RELN: variants seen among roughly 807,000 people sequenced by gnomAD.
RELN encodes reelin.
In RELN, 108 loss-of-function variants were observed where a neutral mutation model predicts 427.6. That is an observed-to-expected ratio of 0.25 (90% confidence interval 0.22 to 0.30). The LOEUF is 0.30. Among genes scored for constraint, RELN ranks in the 10% least tolerant of loss-of-function variants. RELN has a pLI of 1.00. For missense variants in RELN, 3,715 were observed against 4,302.8 expected, an observed-to-expected ratio of 0.86 and a Z score of 3.82; for synonymous variants, 1,524 against 1,513.4, an observed-to-expected ratio of 1.01 and a Z score of -0.16.
intron 4 of RELN, among the ~76,000 whole-genome samples, chr7:103,764,918 G>A (rs1027409808): frequency 4.6e-5 from 7 of 151,838 alleles, no homozygotes; most frequent in East Asian, 1.9e-4. Flanking sequence ...TAGGGAAACC[G>A]AGAAAGAAAA....
chr7:103,567,622 AG>A (rs534550697), intron 31 of RELN, among the ~76,000 whole-genome samples: 3 of 151,950 alleles, frequency 2.0e-5, no homozygotes, highest in African/African-American at 7.3e-5. Flanking sequence ...CTTCTTTGGT[AG>A]GGGGGGTAGA....
intron 57 of RELN, among the ~76,000 whole-genome samples, chr7:103,493,522 G>A (rs150072200): frequency 2.6e-3 from 396 of 152,264 alleles, no homozygotes; most frequent in Non-Finnish European, 4.4e-3. Flanking sequence ...AGTCAAGGTT[G>A]GATGTGCAGA....
At chr7:103,883,973 C>G (rs78592286) in intron 2 of RELN, among the ~76,000 whole-genome samples, 1 of 152,028 alleles carries the variant, frequency 6.6e-6, no homozygotes, top group African/African-American at 2.4e-5. Flanking sequence ...CATATAGCCA[C>G]GACAATCCTA....
At chr7:103,800,467 C>A (rs1489906186) in intron 3 of RELN, among the ~76,000 whole-genome samples, 1 of 152,156 alleles carries the variant, frequency 6.6e-6, no homozygotes, top group Non-Finnish European at 1.5e-5. Flanking sequence ...CTGACAAAAA[C>A]AAGATATGGG....
chr7:103,534,494 A>ATT (rs11309253), intron 46 of RELN, among the ~76,000 whole-genome samples: 10 of 150,248 alleles, frequency 6.7e-5, no homozygotes, highest in African/African-American at 2.0e-4. Context: ...TTAATTTTTA[A>ATT]TTTTTTTTTT....
chr7:103,775,344 C>T (rs938635107), intron 4 of RELN, among the ~76,000 whole-genome samples: 10 of 152,094 alleles, frequency 6.6e-5, no homozygotes, highest in Admixed American at 1.3e-4. Flanking sequence ...GAAACTATAA[C>T]TAGAATGAAG....
intron 10 of RELN, among the ~76,000 whole-genome samples, chr7:103,694,214 A>T (rs1005978819): frequency 1.3e-5 from 2 of 152,152 alleles, no homozygotes; most frequent in African/African-American, 2.4e-5. Context: ...ATAATTTAAC[A>T]GGTGGATGTT....
At chr7:103,984,681 C>T (rs1169162169) in intron 1 of RELN, among the ~76,000 whole-genome samples, 1 of 152,006 alleles carries the variant, frequency 6.6e-6, no homozygotes, top group African/African-American at 2.4e-5. Flanking sequence ...CTCTAAAATG[C>T]CCAATTTTCA....
chr7:103,671,398 A>G (rs1833389690), intron 11 of RELN, among the ~76,000 whole-genome samples: 1 of 152,118 alleles, frequency 6.6e-6, no homozygotes, highest in African/African-American at 2.4e-5. Context: ...AACAACACTA[A>G]TAAAGAATAT....
At chr7:103,538,180 G>A (rs362716) in intron 45 of RELN, among the ~76,000 whole-genome samples, 37,961 of 152,016 alleles carry the variant, frequency 0.25, 6,236 homozygotes, top group African/African-American at 0.46. Flanking sequence ...TGTCTATTAC[G>A]TTCAGACTAA....
At chr7:103,495,603 G>A in intron 57 of RELN, 120 bp downstream of exon 57, 2 of 966,322 alleles carry the variant, frequency 2.1e-6, no homozygotes, top group Non-Finnish European at 3.3e-6. Context: ...TTATTCATAA[G>A]ATAAAGTCTT....
intron 3 of RELN, among the ~76,000 whole-genome samples, chr7:103,830,289 A>G (rs927234677): frequency 2.6e-5 from 4 of 151,968 alleles, no homozygotes; most frequent in Non-Finnish European, 4.4e-5. Flanking sequence ...ACTGTCCCTG[A>G]CCTTAAAATC....
intron 50 of RELN, 152 bp downstream of exon 50, chr7:103,515,033 G>T: frequency 1.1e-6 from 1 of 934,660 alleles, no homozygotes. Flanking sequence ...CAACTAGGAA[G>T]GCTGAGAGGA....
At chr7:103,535,607 C>T (rs1307633192) in intron 45 of RELN, 123 bp from the exon 46 acceptor site, 7 of 820,600 alleles carry the variant, frequency 8.5e-6, no homozygotes, top group African/African-American at 1.7e-5. Context: ...TTTCCCTACA[C>T]TTATATTTCC....
intron 8 of RELN, among the ~76,000 whole-genome samples, chr7:103,712,479 T>C (rs910324046): frequency 3.9e-5 from 6 of 152,234 alleles, no homozygotes; most frequent in African/African-American, 1.4e-4. Flanking sequence ...TGAGGTTAGA[T>C]GAATTCTATA....
intron 1 of RELN, among the ~76,000 whole-genome samples, chr7:103,940,345 G>A (rs1796085358): frequency 6.6e-6 from 1 of 152,182 alleles, no homozygotes; most frequent in South Asian, 2.1e-4. Flanking sequence ...CTAGAAGGCT[G>A]TATGGTCCGT....
intron 3 of RELN, among the ~76,000 whole-genome samples, chr7:103,812,713 A>C (rs888468792): frequency 2.0e-5 from 3 of 152,212 alleles, no homozygotes; most frequent in African/African-American, 7.2e-5. Flanking sequence ...AAGTAACTCC[A>C]AATGAGCTCT....
At chr7:103,853,151 G>C (rs1275582635) in intron 2 of RELN, among the ~76,000 whole-genome samples, 4 of 151,984 alleles carry the variant, frequency 2.6e-5, no homozygotes, top group African/African-American at 7.2e-5. Context: ...GGGGAAAATA[G>C]ACAAACTCAG....
intron 12 of RELN, among the ~76,000 whole-genome samples, chr7:103,658,028 T>C (rs1304559815): frequency 6.6e-6 from 1 of 152,130 alleles, no homozygotes; most frequent in Non-Finnish European, 1.5e-5. Context: ...GCTGGGCATA[T>C]AGCAGATGCC....
Sources: gnomAD v4.1 joint callset for allele counts (sites outside exome capture counted in the v4.1 genomes callset) on GRCh38, gnomAD v4.1.1 for gene constraint, MANE v1.5 for transcripts, NCBI Gene and HGNC (gene_info 2026-07-23, HGNC 2026-07-21) for gene names.